The following LAMA2 variants were observed in gnomAD, a reference collection of about 807,000 sequenced individuals.
The protein encoded by LAMA2 is laminin subunit alpha 2.
A neutral mutation model predicts 364.8 loss-of-function variants in LAMA2; 269 were observed. That is an observed-to-expected ratio of 0.74 (90% CI 0.67 to 0.82). LAMA2 has a LOEUF of 0.82. Among genes scored for constraint, LAMA2 ranks in the 40% least tolerant of loss-of-function variants. The pLI is 0.00. For missense variants in LAMA2, 3,807 were observed against 3,873.2 expected, an observed-to-expected ratio of 0.98 and a Z score of 0.45; for synonymous variants, 1,379 against 1,370.6, an observed-to-expected ratio of 1.01 and a Z score of -0.14.
intron 27 of LAMA2, among the ~76,000 whole-genome samples, chr6:129,316,514 A>T (rs958306950): frequency 6.6e-6 from 1 of 152,242 alleles, no homozygotes; most frequent in East Asian, 1.9e-4. Flanking sequence ...TGAGAAAGTG[A>T]CCTCTTCACC....
intron 43 of LAMA2, among the ~76,000 whole-genome samples, chr6:129,441,649 T>A (rs1782120766): frequency 6.6e-6 from 1 of 152,102 alleles, no homozygotes; most frequent in South Asian, 2.1e-4. Flanking sequence ...ATATTAAGAT[T>A]TTAAAATGCA....
intron 14 of LAMA2, among the ~76,000 whole-genome samples, chr6:129,256,829 C>G (rs1437452291): frequency 2.5e-5 from 3 of 118,948 alleles, no homozygotes; most frequent in South Asian, 2.8e-4. Context: ...ATTGTAACAT[C>G]AAGGGTATTT....
intron 1 of LAMA2, among the ~76,000 whole-genome samples, chr6:128,933,396 T>G (rs1260229066): frequency 6.6e-6 from 1 of 152,196 alleles, no homozygotes; most frequent in Non-Finnish European, 1.5e-5. Flanking sequence ...AGATATCTCC[T>G]TGAGATACTG....
rs1781864323 is a variant in LAMA2 at position 129,436,967 on chromosome 6, T to C, written c.5969-1679T>C. On this transcript the variant is annotated intron_variant, in intron 41 of 64. Coordinates refer to ENST00000421865, the MANE Select transcript of LAMA2 (RefSeq NM_000426.4). Reference sequence around the variant, plus strand: ...ATAATTACAACTTGGTTATATATGTTGCTTAGGTGAGGCTTCTCTGATTTC... The same window carrying C: ...ATAATTACAACTTGGTTATATATGTCGCTTAGGTGAGGCTTCTCTGATTTC... The C allele has an allele frequency of 1.3e-5, 2 of 152,150 alleles. 1 individual carries two copies. The highest frequency in any genetic ancestry group is 4.1e-4 in the South Asian group (2 of 4,830). 9.4% of individuals were successfully genotyped at this position (152,150 alleles called of 1,614,324 possible).
intron 31 of LAMA2, among the ~76,000 whole-genome samples, chr6:129,352,130 G>A (rs914032008): frequency 2.6e-5 from 4 of 152,116 alleles, no homozygotes; most frequent in African/African-American, 9.7e-5. Flanking sequence ...TATAAAACTT[G>A]TTGTCCAATC....
chr6:129,380,916 A>G (rs1778647295), intron 34 of LAMA2, among the ~76,000 whole-genome samples: 1 of 152,232 alleles, frequency 6.6e-6, no homozygotes, highest in African/African-American at 2.4e-5. Flanking sequence ...AATAACCTGT[A>G]CAACAGATCA....
intron 3 of LAMA2, among the ~76,000 whole-genome samples, chr6:129,069,924 G>C (rs988688743): frequency 6.6e-6 from 1 of 151,158 alleles, no homozygotes; most frequent in African/African-American, 2.4e-5. Context: ...TCTAGAAATT[G>C]ACTACATATT....
intron 40 of LAMA2, among the ~76,000 whole-genome samples, chr6:129,406,610 T>C (rs1780261019): frequency 6.6e-6 from 1 of 152,210 alleles, no homozygotes; most frequent in South Asian, 2.1e-4. Flanking sequence ...TTAGTTGCTT[T>C]GATCCTATAA....
chr6:129,159,080 T>C (rs975248456), intron 8 of LAMA2: 54 of 1,578,788 alleles, frequency 3.4e-5, no homozygotes, highest in Non-Finnish European at 4.7e-5. Flanking sequence ...GATGAACAAA[T>C]AGGCTCCCAA....
intron 12 of LAMA2, among the ~76,000 whole-genome samples, chr6:129,229,876 T>C (rs1455397864): frequency 6.6e-6 from 1 of 152,164 alleles, no homozygotes; most frequent in Admixed American, 6.6e-5. Flanking sequence ...TTACAGGAGA[T>C]CATGAACTCA....
At chr6:129,055,179 A>G (rs560311488) in intron 2 of LAMA2, among the ~76,000 whole-genome samples, 1 of 120,762 alleles carries the variant, frequency 8.3e-6, no homozygotes. Flanking sequence ...ATTATTATTT[A>G]TTATTATTAT....
chr6:129,374,260 C>T (rs919605170), intron 34 of LAMA2, among the ~76,000 whole-genome samples: 2 of 152,152 alleles, frequency 1.3e-5, no homozygotes, highest in Non-Finnish European at 2.9e-5. Context: ...AGGCTAAGCA[C>T]GCTAATGCCT....
intron 4 of LAMA2, among the ~76,000 whole-genome samples, chr6:129,141,278 A>G (rs926416841): frequency 6.6e-6 from 1 of 151,892 alleles, no homozygotes; most frequent in Non-Finnish European, 1.5e-5. Flanking sequence ...TTTAACTCTA[A>G]CCTCCTTAAG....
At chr6:129,329,213 C>A (rs530555755) in intron 29 of LAMA2, among the ~76,000 whole-genome samples, 2 of 152,316 alleles carry the variant, frequency 1.3e-5, no homozygotes, top group East Asian at 3.9e-4. Flanking sequence ...TTCTACTGAG[C>A]CTTGTGGAAC....
intron 1 of LAMA2, among the ~76,000 whole-genome samples, chr6:128,912,710 G>T (rs1778054970): frequency 6.6e-6 from 1 of 152,206 alleles, no homozygotes; most frequent in Admixed American, 6.5e-5. Flanking sequence ...AGGGAAAAAA[G>T]TAAGTGTATG....
At chr6:128,907,761 C>G (rs141277751) in intron 1 of LAMA2, among the ~76,000 whole-genome samples, 68 of 152,032 alleles carry the variant, frequency 4.5e-4, no homozygotes, top group African/African-American at 1.2e-3. Context: ...GTATGATATT[C>G]GCTGTGGGTT....
In LAMA2 at chr6:129,244,515, G is replaced by A. The variant is rs148602287; in HGVS notation, c.1783-5597G>A. On this transcript the variant is annotated intron_variant, in intron 12 of 64. Coordinates refer to ENST00000421865, the MANE Select transcript of LAMA2 (RefSeq NM_000426.4). Reference sequence around the variant, plus strand: ...AAAGCCTTTTTCTCATTTGATTTTTGTGTATCCCTCCTGAAATATTTGCTC... The same window carrying A: ...AAAGCCTTTTTCTCATTTGATTTTTATGTATCCCTCCTGAAATATTTGCTC... Among the ~76,000 whole-genome samples, 755 of 152,024 alleles carry A rather than the reference G, an allele frequency of 5.0e-3. 6 individuals carry two copies. Among genetic ancestry groups the A allele is most frequent in the Non-Finnish European group, 6.8e-3 (465 of 67,908 alleles).
At chr6:129,159,464 G>A (rs1314166169) in intron 8 of LAMA2, among the ~76,000 whole-genome samples, 2 of 152,228 alleles carry the variant, frequency 1.3e-5, no homozygotes, top group Non-Finnish European at 2.9e-5. Context: ...CCCCGGCCGG[G>A]AGGATCTGCC....
intron 1 of LAMA2, 92 bp from the exon 2 acceptor site, chr6:129,049,826 C>A: frequency 8.5e-7 from 1 of 1,179,256 alleles, no homozygotes; most frequent in Non-Finnish European, 1.3e-6. Flanking sequence ...TTTAATGCTC[C>A]GAAAAATATT....
Sources: gnomAD v4.1 joint callset for allele counts (sites outside exome capture counted in the v4.1 genomes callset) on GRCh38, gnomAD v4.1.1 for gene constraint, MANE v1.5 for transcripts, NCBI Gene and HGNC (gene_info 2026-07-23, HGNC 2026-07-21) for gene names.